Variants in MAPT observed in about 807,000 individuals in gnomAD.
The protein encoded by MAPT is microtubule-associated protein tau.
A neutral mutation model predicts 67.9 loss-of-function variants in MAPT; 34 were observed. That is an observed-to-expected ratio of 0.50 (90% CI 0.38 to 0.67). The LOEUF is 0.67. MAPT is among the 30% of genes least tolerant of loss of function. The pLI is 0.00. For missense variants in MAPT, 881 were observed against 1,115.2 expected, an observed-to-expected ratio of 0.79 and a Z score of 2.99; for synonymous variants, 456 against 464.5, an observed-to-expected ratio of 0.98 and a Z score of 0.23.
chr17:45,998,875 G>A (rs1455391615), intron 9 of MAPT, among the ~76,000 whole-genome samples: 3 of 151,726 alleles, frequency 2.0e-5, no homozygotes, highest in Non-Finnish European at 4.4e-5. Flanking sequence ...CCTTGGTGCT[G>A]CCCAAGACCC....
intron 2 of MAPT, among the ~76,000 whole-genome samples, chr17:45,966,893 C>T (rs2071142487): frequency 6.6e-6 from 1 of 152,146 alleles, no homozygotes; most frequent in African/African-American, 2.4e-5. Flanking sequence ...AGATAATTTG[C>T]TTACCCAAAG....
Position 45,971,720 on chromosome 17 carries a change from G to C in MAPT, c.134-139G>C. 1.4e-6 allele frequency: 1 copy of C among 718,324 alleles called. No homozygotes were observed. The highest frequency in any genetic ancestry group is 2.5e-6 in the Non-Finnish European group (1 of 395,302). 44.5% of individuals were successfully genotyped at this position (718,324 alleles called of 1,614,324 possible). A position where few individuals can be genotyped will look rare whatever the true frequency, so the allele number is the denominator to read the frequency against. Reference sequence around the variant, plus strand: ...TGGGGTTGGTCCCCTTTGTGGGTTTGTTGCGAGGCCGTGTTCCAGCTGTTT... The same window carrying C: ...TGGGGTTGGTCCCCTTTGTGGGTTTCTTGCGAGGCCGTGTTCCAGCTGTTT... On this transcript the variant is annotated intron_variant, in intron 2 of 12. Coordinates refer to ENST00000262410, the MANE Select transcript of MAPT (RefSeq NM_001377265.1). This position sits in a 1 kb window ranked among gnomAD's most constrained non-coding sequence, Gnocchi z 4.3.
At chr17:46,009,666 C>T (rs538663525) in intron 9 of MAPT, among the ~76,000 whole-genome samples, 4 of 152,354 alleles carry the variant, frequency 2.6e-5, no homozygotes, top group South Asian at 2.1e-4. Context: ...CCCCACAAAG[C>T]GGCCTGTGTC....
At chr17:46,016,755 A>C (rs1286451742) in intron 11 of MAPT, among the ~76,000 whole-genome samples, 2 of 151,072 alleles carry the variant, frequency 1.3e-5, no homozygotes, top group East Asian at 3.8e-4. Context: ...TAGGTGACAG[A>C]GTGAGACTCA....
At chr17:45,956,401 C>T (rs1390642565) in intron 1 of MAPT, among the ~76,000 whole-genome samples, 2 of 152,002 alleles carry the variant, frequency 1.3e-5, no homozygotes, top group African/African-American at 4.8e-5. Flanking sequence ...CCTTCAGAGG[C>T]TCTCTCCAAA....
chr17:46,015,685 AACAAAC>A (rs1401910336), intron 11 of MAPT, among the ~76,000 whole-genome samples: 1 of 152,064 alleles, frequency 6.6e-6, no homozygotes, highest in Non-Finnish European at 1.5e-5. Flanking sequence ...CAAAAACAAA[AACAAAC>A]ACACAACAAA....
chr17:45,945,419 G>C (rs1460599819), intron 1 of MAPT, among the ~76,000 whole-genome samples: 2 of 152,210 alleles, frequency 1.3e-5, no homozygotes, highest in East Asian at 3.8e-4. Context: ...GTAATGTTGA[G>C]TTGGTTTGTG....
chr17:45,978,858 C>A, intron 4 of MAPT: 1 of 166,404 alleles, frequency 6.0e-6, no homozygotes, highest in Non-Finnish European at 1.3e-5. Flanking sequence ...AAAAAATTAG[C>A]CGGGTGTGGT....
chr17:45,961,682 G>A (rs926544162), intron 1 of MAPT, among the ~76,000 whole-genome samples: 2 of 152,072 alleles, frequency 1.3e-5, no homozygotes, highest in African/African-American at 4.8e-5. Context: ...CTGCTGGGCA[G>A]CAGCATTGAT....
intron 8 of MAPT, 90 bp downstream of exon 8, chr17:45,991,676 G>A: frequency 6.3e-7 from 1 of 1,580,320 alleles, no homozygotes; most frequent in Non-Finnish European, 8.7e-7. Flanking sequence ...CACTGAGAAT[G>A]AATAACCCCT....
At chr17:46,019,182 A>G (rs938475187) in intron 12 of MAPT, among the ~76,000 whole-genome samples, 1 of 152,144 alleles carries the variant, frequency 6.6e-6, no homozygotes, top group South Asian at 2.1e-4. Context: ...CATTTCTTAC[A>G]TGGCGACAGG....
At position 45,983,608 on chromosome 17, in the gene MAPT, T is replaced by A; in HGVS notation, c.1029T>A (p.Pro343=). The A allele has an allele frequency of 6.2e-7, 1 of 1,613,484 alleles. No individual in the cohort carries two copies. The highest frequency in any genetic ancestry group is 8.5e-7 in the Non-Finnish European group (1 of 1,179,996). The change falls in exon 5 of 13, where the codon CCT becomes CCA. Residue 343 remains proline (P), a synonymous_variant. Coordinates refer to ENST00000262410, the MANE Select transcript of MAPT (RefSeq NM_001377265.1). ...GFPAEGAIPL[P]VDFLSKVSTE... ...CAGCGGAGGGTGCCATCCCCCTCCC[T>A]GTGGATTTCCTCTCCAAAGTTTCCA... is the stretch of plus-strand genomic sequence containing the variant.
At chr17:45,901,691 C>T (rs1182291377) in intron 1 of MAPT, among the ~76,000 whole-genome samples, 1 of 152,072 alleles carries the variant, frequency 6.6e-6, no homozygotes, top group African/African-American at 2.4e-5. Flanking sequence ...CATAGATTTC[C>T]AAGATTTTAC....
At chr17:45,934,965 G>A (rs1014284710) in intron 1 of MAPT, among the ~76,000 whole-genome samples, 1 of 152,060 alleles carries the variant, frequency 6.6e-6, no homozygotes, top group Non-Finnish European at 1.5e-5. Context: ...CAAAGGAAGC[G>A]CTTCTGTTTA....
At chr17:46,003,991 C>T (rs2075231424) in intron 9 of MAPT, among the ~76,000 whole-genome samples, 1 of 152,248 alleles carries the variant, frequency 6.6e-6, no homozygotes. Flanking sequence ...GACAGGTTTT[C>T]CTGTGTCAGT....
rs190107189 is a variant in MAPT, at chr17:45,921,013, A to C, written c.-18+26327A>C. On this transcript the variant is annotated intron_variant, in intron 1 of 12. Transcript: ENST00000262410. ...ACAGCATGATGAACAAGTCATTAAT[A>C]GTAAAGAATAAATGTGAAAGTGAGA... Among the ~76,000 whole-genome samples the C allele has an allele frequency of 3.9e-3, 600 of 152,380 alleles. 7 individuals carry two copies. Among genetic ancestry groups the C allele is most frequent in the African/African-American group, 0.014 (576 of 41,582 alleles).
intron 1 of MAPT, among the ~76,000 whole-genome samples, chr17:45,958,920 AAGCGTGGTGGCACATGCCT>A (rs2070059418): frequency 1.3e-5 from 2 of 151,646 alleles, no homozygotes; most frequent in Non-Finnish European, 2.9e-5. Context: ...AAAATTCGCC[AAGCGTGGTGGCACATGCCT>A]GTGATCCCAG....
chr17:45,951,523 ATCTCTC>A (rs146803931), intron 1 of MAPT, among the ~76,000 whole-genome samples: 3 of 148,202 alleles, frequency 2.0e-5, no homozygotes. Flanking sequence ...CTTTGTTCTC[ATCTCTC>A]TCTCTCTCTC....
chr17:45,985,461 T>C (rs1249648657), intron 5 of MAPT, among the ~76,000 whole-genome samples: 1 of 152,170 alleles, frequency 6.6e-6, no homozygotes, highest in African/African-American at 2.4e-5. Flanking sequence ...TAGAGGTTCA[T>C]AGGTGTGTTT....
Sources: gnomAD v4.1 joint callset for allele counts (sites outside exome capture counted in the v4.1 genomes callset) on GRCh38, gnomAD v4.1.1 for gene constraint, Gnocchi (gnomAD v3.1) non-coding constraint, MANE v1.5 for transcripts, NCBI Gene and HGNC (gene_info 2026-07-23, HGNC 2026-07-21) for gene names.